NUP210: variants seen among roughly 807,000 people sequenced by gnomAD.
The protein encoded by NUP210 is nucleoporin 210.
A neutral mutation model predicts 196.0 loss-of-function variants in NUP210; 151 were observed. The observed-to-expected ratio is 0.77, with a 90% confidence interval of 0.67 to 0.88. NUP210 has a LOEUF of 0.88. Ranked by LOEUF, NUP210 falls within the 40% of genes least tolerant of loss-of-function variation. The pLI, the probability that NUP210 is intolerant of heterozygous loss-of-function variation, is 0.00. For synonymous variants in NUP210, 1,070 were observed against 1,052.7 expected, an observed-to-expected ratio of 1.02 and a Z score of -0.32; for missense variants, 2,314 against 2,493.7, an observed-to-expected ratio of 0.93 and a Z score of 1.53.
Position 13,342,057 on chromosome 3 carries a change from C to A in NUP210, c.3031G>T (p.Ala1011Ser), listed in dbSNP as rs1326852306. Residue 1011 changes from alanine to serine, a missense_variant, in exon 22 of 40, where the codon GCC becomes TCC. By Grantham distance (99) the Ala-to-Ser change is moderately conservative (BLOSUM62 1). Transcript: ENST00000254508. ...AGGTCCATAAAGGGGAAGTATTTGG[C>A]AAGGAAGGGCTTCTTGTGCAAGTCC... ...VLDLHKKPFL[A>S]KYFPFMDLKL... 1 of 1,614,150 alleles carries A rather than the reference C, an allele frequency of 6.2e-7. No homozygotes were observed. The highest frequency in any genetic ancestry group is 1.7e-5 in the Admixed American group (1 of 60,024).
Position 13,379,551 on chromosome 3 carries a change from A to G in NUP210, c.976+12T>C. On this transcript the variant is annotated intron_variant, in intron 7 of 39. Coordinates refer to ENST00000254508, the MANE Select transcript of NUP210 (RefSeq NM_024923.4). This position sits in a 1 kb window ranked among gnomAD's most constrained non-coding sequence, Gnocchi z 4.2. ...CCATGCCTAAGAACACACAAGCCCA[A>G]GAAAAGGATATTCCTGTGGCCAAGG... is the stretch of plus-strand genomic sequence containing the variant. The G allele has an allele frequency of 1.2e-6, 2 of 1,614,178 alleles. No individual in the cohort carries two copies. Among genetic ancestry groups the G allele is most frequent in the Non-Finnish European group, 1.7e-6 (2 of 1,180,036 alleles).
rs141620042 is a variant in NUP210, at chr3:13,347,700, C to T, written c.2835+4179G>A. 2.7e-3 allele frequency among the ~76,000 whole-genome samples: 414 copies of T among 152,318 alleles called. 2 individuals are homozygous for T. Among genetic ancestry groups the T allele is most frequent in the Admixed American group, 4.4e-3 (68 of 15,302 alleles). ...TGAGCTAACTGGGGAGCGCTGGGGGCTTGTCTATCTCTGTGCTGCTGCTCT... is the reference window on the plus strand; with the variant it reads ...TGAGCTAACTGGGGAGCGCTGGGGGTTTGTCTATCTCTGTGCTGCTGCTCT... On this transcript the variant is annotated intron_variant, in intron 20 of 39. Transcript: ENST00000254508. The surrounding 1 kb of genome is among the most constrained non-coding windows in gnomAD (Gnocchi z 4.7).
At chr3:13,398,762 A>C (rs1699745655) in intron 2 of NUP210, among the ~76,000 whole-genome samples, 1 of 152,088 alleles carries the variant, frequency 6.6e-6, no homozygotes, top group Non-Finnish European at 1.5e-5. Context: ...CTCGCCACAA[A>C]AAATTTTACA....
intron 26 of NUP210, among the ~76,000 whole-genome samples, chr3:13,337,553 A>G (rs1697265803): frequency 6.6e-6 from 1 of 152,224 alleles, no homozygotes; most frequent in African/African-American, 2.4e-5. Context: ...TTAATGTCCA[A>G]GACAGCACGG....
At chr3:13,357,909 C>A (rs2124888030) in intron 16 of NUP210, among the ~76,000 whole-genome samples, 1 of 152,296 alleles carries the variant, frequency 6.6e-6, no homozygotes, top group South Asian at 2.1e-4. Context: ...GCACAGAAGA[C>A]AACAAGTTGT....
At chr3:13,337,382 G>T (rs1210751325) in intron 26 of NUP210, among the ~76,000 whole-genome samples, 1 of 152,224 alleles carries the variant, frequency 6.6e-6, no homozygotes, top group Non-Finnish European at 1.5e-5. Flanking sequence ...GGCCACAGCA[G>T]GTGTTGTGCC....
chr3:13,392,167 C>T (rs1699512436), intron 3 of NUP210, among the ~76,000 whole-genome samples: 1 of 152,160 alleles, frequency 6.6e-6, no homozygotes. Flanking sequence ...TTCTACAGTG[C>T]AAAGGGCAAG....
intron 1 of NUP210, among the ~76,000 whole-genome samples, chr3:13,413,887 T>C (rs374546963): frequency 6.6e-6 from 1 of 152,342 alleles, no homozygotes; most frequent in Admixed American, 6.5e-5. Flanking sequence ...TAAAAAAATA[T>C]GTAAACCACA....
intron 1 of NUP210, among the ~76,000 whole-genome samples, chr3:13,406,953 G>A (rs1700025071): frequency 2.0e-5 from 3 of 151,968 alleles, no homozygotes; most frequent in Admixed American, 1.3e-4. Context: ...GGATGGGGAC[G>A]TGGCTCACTC....
intron 20 of NUP210, 24 bp downstream of exon 20, chr3:13,351,855 T>C (rs765560088): frequency 1.3e-6 from 2 of 1,492,912 alleles, no homozygotes; most frequent in South Asian, 2.3e-5. Context: ...AAACCAACAG[T>C]GGGGACCGAT....
At chr3:13,356,917 C>G (rs150970252) in intron 16 of NUP210, among the ~76,000 whole-genome samples, 18 of 152,332 alleles carry the variant, frequency 1.2e-4, no homozygotes, top group Non-Finnish European at 2.1e-4. Context: ...CCAAGGTGGC[C>G]CGCTCAGCTC....
chr3:13,353,505 G>A, intron 18 of NUP210, 49 bp downstream of exon 18: 2 of 1,452,462 alleles, frequency 1.4e-6, no homozygotes, highest in Non-Finnish European at 9.7e-7. Flanking sequence ...GAAGTAGGAG[G>A]CTTGCCCCGC....
At chr3:13,409,840 ATT>A (rs35874792) in intron 1 of NUP210, among the ~76,000 whole-genome samples, 1 of 147,516 alleles carries the variant, frequency 6.8e-6, no homozygotes. Flanking sequence ...CTGAATACTA[ATT>A]TTTTTTTTTT....
At chr3:13,389,112 C>T (rs1170336210) in intron 4 of NUP210, among the ~76,000 whole-genome samples, 1 of 152,252 alleles carries the variant, frequency 6.6e-6, no homozygotes, top group Non-Finnish European at 1.5e-5. Context: ...TTCCCCTGCA[C>T]AAGAGCAATC....
intron 13 of NUP210, among the ~76,000 whole-genome samples, chr3:13,370,341 AT>A (rs1392717411): frequency 6.6e-6 from 1 of 152,206 alleles, no homozygotes; most frequent in Admixed American, 6.5e-5. Flanking sequence ...GCTGAGGGAT[AT>A]TCACTTGTAA....
At position 13,365,935 on chromosome 3, in the gene NUP210, C is replaced by T; in HGVS notation, c.1932+11G>A. The T allele has an allele frequency of 1.2e-6, 2 of 1,613,968 alleles. No individual in the cohort carries two copies. Among genetic ancestry groups the T allele is most frequent in the Admixed American group, 1.7e-5 (1 of 60,022 alleles). ...GCAGGGGGGTGGTAAAGGGCAGGGC[C>T]CCTGGCTCACCTTGAGGGGCAGGTA... On this transcript the variant is annotated intron_variant, in intron 14 of 39. Transcript: ENST00000254508.
At chr3:13,319,626 G>A (rs895801063) in intron 37 of NUP210, 137 bp downstream of exon 37, 3 of 762,164 alleles carry the variant, frequency 3.9e-6, no homozygotes, top group Non-Finnish European at 6.6e-6. Context: ...CCAATGAGCA[G>A]CGATCACTTT....
chr3:13,409,984 A>G (rs1446703446), intron 1 of NUP210, among the ~76,000 whole-genome samples: 1 of 149,806 alleles, frequency 6.7e-6, no homozygotes, highest in Non-Finnish European at 1.5e-5. Flanking sequence ...CTACAGGTGC[A>G]CGCCACCTGT....
intron 6 of NUP210, among the ~76,000 whole-genome samples, chr3:13,381,388 G>A (rs1314635265): frequency 6.6e-6 from 1 of 151,044 alleles, no homozygotes; most frequent in Non-Finnish European, 1.5e-5. Flanking sequence ...AGACTCCTTA[G>A]ATACCTCTTT....
Sources: allele counts gnomAD v4.1 joint callset (sites outside exome capture counted in the v4.1 genomes callset), GRCh38; gene constraint gnomAD v4.1.1; non-coding constraint Gnocchi (gnomAD v3.1); transcripts MANE v1.5; gene names NCBI Gene and HGNC (gene_info 2026-07-23, HGNC 2026-07-21).